TMEM178B: variants seen among roughly 807,000 people sequenced by gnomAD.
TMEM178B encodes transmembrane protein 178B.
In TMEM178B, 5 loss-of-function variants were observed where a neutral mutation model predicts 31.0. The ratio of observed to expected loss-of-function variants is 0.16; its 90% CI spans 0.08 to 0.34. The LOEUF is 0.34. Ranked by LOEUF, TMEM178B falls within the 10% of genes least tolerant of loss-of-function variation. TMEM178B has a pLI of 1.00. For missense variants in TMEM178B, 275 were observed against 400.3 expected, an observed-to-expected ratio of 0.69 and a Z score of 2.67; for synonymous variants, 164 against 164.0, an observed-to-expected ratio of 1.00 and a Z score of 0.00.
intron 2 of TMEM178B, among the ~76,000 whole-genome samples, chr7:141,387,474 A>T (rs1272535614): frequency 1.3e-5 from 2 of 152,148 alleles, no homozygotes; most frequent in African/African-American, 4.8e-5. Flanking sequence ...TCCATATTTT[A>T]TATCCAGTTA....
intron 1 of TMEM178B, among the ~76,000 whole-genome samples, chr7:141,201,182 C>G (rs1796871390): frequency 6.6e-6 from 1 of 152,194 alleles, no homozygotes; most frequent in Admixed American, 6.5e-5. Flanking sequence ...GGTGACAGCA[C>G]CGGCACACAG....
At chr7:141,328,553 G>C (rs1448253953) in intron 2 of TMEM178B, among the ~76,000 whole-genome samples, 1 of 152,160 alleles carries the variant, frequency 6.6e-6, no homozygotes, top group African/African-American at 2.4e-5. Context: ...GGAACAGAAG[G>C]GGAGGAGTAT....
At chr7:141,340,237 G>A (rs969899647) in intron 2 of TMEM178B, among the ~76,000 whole-genome samples, 1 of 152,170 alleles carries the variant, frequency 6.6e-6, no homozygotes, top group Non-Finnish European at 1.5e-5. Context: ...TGAAAGCATA[G>A]CCCAGCTGAC....
At chr7:141,092,207 T>A (rs1794893108) in intron 1 of TMEM178B, among the ~76,000 whole-genome samples, 1 of 152,182 alleles carries the variant, frequency 6.6e-6, no homozygotes, top group Non-Finnish European at 1.5e-5. Context: ...CCCTACCAAT[T>A]TAAAAAAATC....
At chr7:141,262,130 A>C (rs1246789408) in intron 2 of TMEM178B, among the ~76,000 whole-genome samples, 1 of 152,184 alleles carries the variant, frequency 6.6e-6, no homozygotes, top group African/African-American at 2.4e-5. Flanking sequence ...TTTGCAAGCC[A>C]AGGCAGTTTG....
At chr7:141,148,440 G>T (rs1195519919) in intron 1 of TMEM178B, among the ~76,000 whole-genome samples, 1 of 152,232 alleles carries the variant, frequency 6.6e-6, no homozygotes, top group Non-Finnish European at 1.5e-5. Flanking sequence ...GACAGAGGAA[G>T]AAGAGTGTGC....
chr7:141,137,622 C>T (rs992121366), intron 1 of TMEM178B, among the ~76,000 whole-genome samples: 4 of 151,974 alleles, frequency 2.6e-5, no homozygotes, highest in African/African-American at 9.7e-5. Context: ...AATAGGGTGG[C>T]TATAGTTAAC....
chr7:141,460,327 C>T (rs1009553423), intron 3 of TMEM178B, among the ~76,000 whole-genome samples: 2 of 152,240 alleles, frequency 1.3e-5, no homozygotes, highest in African/African-American at 4.8e-5. Flanking sequence ...GTGCACGCAC[C>T]TGGTGTCTCT....
At chr7:141,111,772 G>T (rs1454270344) in intron 1 of TMEM178B, among the ~76,000 whole-genome samples, 1 of 152,208 alleles carries the variant, frequency 6.6e-6, no homozygotes, top group East Asian at 1.9e-4. Context: ...TAGAGGGCTA[G>T]AACACTTTAT....
chr7:141,419,497 A>T (rs1311080150), intron 2 of TMEM178B, among the ~76,000 whole-genome samples: 1 of 152,056 alleles, frequency 6.6e-6, no homozygotes. Context: ...GGTCTTCATC[A>T]TTTGTGGGAT....
chr7:141,178,940 C>A (rs1057388578), intron 1 of TMEM178B, among the ~76,000 whole-genome samples: 1 of 152,184 alleles, frequency 6.6e-6, no homozygotes, highest in African/African-American at 2.4e-5. Flanking sequence ...AAAGAATGTG[C>A]ACTTTCTGTG....
chr7:141,377,008 C>T (rs1045474911), intron 2 of TMEM178B, among the ~76,000 whole-genome samples: 1 of 151,928 alleles, frequency 6.6e-6, no homozygotes. Context: ...TATATATGTA[C>T]ACATATATTA....
chr7:141,362,266 G>T (rs1182923100), intron 2 of TMEM178B, among the ~76,000 whole-genome samples: 2 of 152,200 alleles, frequency 1.3e-5, no homozygotes, highest in Non-Finnish European at 2.9e-5. Flanking sequence ...TTGGCAGAGG[G>T]TGCCCCACCA....
intron 2 of TMEM178B, among the ~76,000 whole-genome samples, chr7:141,337,911 C>T (rs2116505253): frequency 6.6e-6 from 1 of 152,162 alleles, no homozygotes; most frequent in East Asian, 1.9e-4. Flanking sequence ...AATCTCGGCT[C>T]ACTGCAAGCT....
rs141298063 is a variant in TMEM178B at position 141,274,972 on chromosome 7, C to T, written c.496+62268C>T. 1.9e-3 allele frequency among the ~76,000 whole-genome samples: 296 copies of T among 152,202 alleles called. 2 individuals carry two copies. In the East Asian group the frequency reaches 0.041, roughly 21 times the overall value. On this transcript the variant is annotated intron_variant, in intron 2 of 3. Transcript: ENST00000565468. ...TGCCTTCCCTCCGCTGCCTAAAAAC[C>T]GAAGATTTAAGTTTTATCTCTCAAG... is the stretch of plus-strand genomic sequence containing the variant.
At chr7:141,285,154 C>CTTTTTTTTT (rs1030685003) in intron 2 of TMEM178B, among the ~76,000 whole-genome samples, 11 of 52,804 alleles carry the variant, frequency 2.1e-4, no homozygotes, top group Admixed American at 2.8e-4. Flanking sequence ...ATTCTTGTTT[C>CTTTTTTTTT]TTTTTTTTTT....
At chr7:141,224,274 C>T (rs1280523817) in intron 2 of TMEM178B, among the ~76,000 whole-genome samples, 1 of 152,190 alleles carries the variant, frequency 6.6e-6, no homozygotes, top group Non-Finnish European at 1.5e-5. Context: ...TGAAAACAGA[C>T]TAATACATAA....
intron 2 of TMEM178B, among the ~76,000 whole-genome samples, chr7:141,275,704 C>T (rs1158705966): frequency 6.6e-6 from 1 of 152,174 alleles, no homozygotes; most frequent in East Asian, 1.9e-4. Flanking sequence ...ACTATGCTTT[C>T]TTTAATTTCA....
rs146784272 is a variant in TMEM178B, at chr7:141,116,066, A to G, written c.382+41374A>G. Among the ~76,000 whole-genome samples the G allele has an allele frequency of 2.3e-3, 358 of 152,344 alleles. 4 individuals are homozygous for G. Among genetic ancestry groups the G allele is most frequent in the African/African-American group, 8.3e-3 (344 of 41,570 alleles). ...AAATGAGTATGGCGCTGGCAGCTTC[A>G]GCTCCGAGTTCAGTGTTTCATGTGT... On this transcript the variant is annotated intron_variant, in intron 1 of 3. Transcript: ENST00000565468.
Sources: allele counts gnomAD v4.1 joint callset (sites outside exome capture counted in the v4.1 genomes callset), GRCh38; gene constraint gnomAD v4.1.1; transcripts MANE v1.5; gene names NCBI Gene and HGNC (gene_info 2026-07-23, HGNC 2026-07-21).